Variants in ZNF827 observed in about 807,000 individuals in gnomAD.
ZNF827 encodes zinc finger protein 827.
Under a neutral mutation model 102.4 loss-of-function variants are expected in ZNF827, and 13 were observed. The ratio of observed to expected loss-of-function variants is 0.13; its 90% CI spans 0.08 to 0.20. The LOEUF is 0.20. ZNF827 is among the 10% of genes least tolerant of loss of function. The pLI is 1.00. For missense variants in ZNF827, 1,103 were observed against 1,344.4 expected (o/e 0.82, Z 2.81); for synonymous variants, 523 against 536.2 (o/e 0.98, Z 0.34).
chr4:145,787,538 T>C (rs1739063633), intron 8 of ZNF827, among the ~76,000 whole-genome samples: 2 of 152,096 alleles, frequency 1.3e-5, no homozygotes, highest in Non-Finnish European at 2.9e-5. Context: ...GGAGATTCTT[T>C]TTAGATGTAA....
rs534505170 is a variant in ZNF827 at position 145,762,749 on chromosome 4, T to C, written c.*17+341A>G. On this transcript the variant is annotated intron_variant, in intron 14 of 14. Transcript: ENST00000508784. This position sits in a 1 kb window ranked among gnomAD's most constrained non-coding sequence, Gnocchi z 4.9. ...GTGAGGCCATGTTAACAAACTCTGC[T>C]GAGCCTCTCTTTTAGAAGCTGCCAG... is the stretch of plus-strand genomic sequence containing the variant. 6.6e-6 allele frequency among the ~76,000 whole-genome samples: 1 copy of C among 152,366 alleles called. No homozygotes were observed. The highest frequency in any genetic ancestry group is 2.1e-4 in the South Asian group (1 of 4,828).
chr4:145,872,935 TTTTTC>T (rs1180323598), intron 4 of ZNF827, among the ~76,000 whole-genome samples: 1 of 148,710 alleles, frequency 6.7e-6, no homozygotes, highest in Non-Finnish European at 1.5e-5. Context: ...CAACAATTTT[TTTTTC>T]TTTTCTTTTT....
chr4:145,763,057 C>T lies in ZNF827; in HGVS notation c.*17+33G>A. The T allele has an allele frequency of 6.5e-7, 1 of 1,531,280 alleles. No individual in the cohort carries two copies. The highest frequency in any genetic ancestry group is 8.7e-7 in the Non-Finnish European group (1 of 1,143,260). The allele number at this position is 1,531,280 out of a possible 1,614,324, so 94.9% of individuals were successfully genotyped here. A position where few individuals can be genotyped will look rare whatever the true frequency, so the allele number is the denominator to read the frequency against. ...ATAAAGCCCATTCCCAGGTCAGGTG[C>T]ACACACAACCCCTACGCCAAGCTGG... On this transcript the variant is annotated intron_variant, in intron 14 of 14. Coordinates refer to ENST00000508784, the MANE Select transcript of ZNF827 (RefSeq NM_001306215.2). This position sits in a 1 kb window ranked among gnomAD's most constrained non-coding sequence, Gnocchi z 4.6.
At chr4:145,824,093 C>T (rs1743429762) in intron 7 of ZNF827, among the ~76,000 whole-genome samples, 1 of 152,110 alleles carries the variant, frequency 6.6e-6, no homozygotes. Flanking sequence ...ACGGGGCTGC[C>T]AGAAGGGACC....
rs1169951645 is a variant in ZNF827 at position 145,775,868 on chromosome 4, C to T, written c.2614G>A (p.Val872Met). 1 of 1,614,192 alleles carries T rather than the reference C, an allele frequency of 6.2e-7. No homozygotes were observed. Among genetic ancestry groups the T allele is most frequent in the African/African-American group, 1.3e-5 (1 of 75,020 alleles). The part of the protein sequence containing the change: ...QHLTVHSVKL[V>M]STDTEDIVSA... ...ACAATGTCCTCGGTGTCTGTACTCA[C>T]CAGCTTCACGGAATGGACGGTCAAG... is the stretch of plus-strand genomic sequence containing the variant. The change falls in exon 10 of 15, where the codon GTG becomes ATG. Residue 872 changes from valine (V) to methionine (M), a missense_variant. Val to Met is a conservative substitution (Grantham distance 21, BLOSUM62 1). Transcript: ENST00000508784.
intron 4 of ZNF827, among the ~76,000 whole-genome samples, chr4:145,873,040 A>G (rs553216770): frequency 1.3e-5 from 2 of 149,832 alleles, no homozygotes; most frequent in Admixed American, 6.7e-5. Flanking sequence ...GGTTCAAGCA[A>G]TTCTCCTGCC....
At chr4:145,914,998 G>A (rs1752569857) in intron 1 of ZNF827, among the ~76,000 whole-genome samples, 1 of 152,214 alleles carries the variant, frequency 6.6e-6, no homozygotes, top group Non-Finnish European at 1.5e-5. Flanking sequence ...ACTTAAGACT[G>A]GGTAATTTAT....
intron 1 of ZNF827, among the ~76,000 whole-genome samples, chr4:145,904,272 C>T (rs1359356568): frequency 1.3e-5 from 2 of 152,234 alleles, no homozygotes; most frequent in African/African-American, 2.4e-5. Flanking sequence ...GGAACTCTCA[C>T]TCAGAATGAA....
chr4:145,868,859 T>G (rs547330800), intron 5 of ZNF827, among the ~76,000 whole-genome samples: 101 of 152,276 alleles, frequency 6.6e-4, no homozygotes, highest in Non-Finnish European at 1.5e-5. Context: ...AATGTGAAAG[T>G]GTATGCTATG....
intron 1 of ZNF827, 127 bp downstream of exon 1, chr4:145,938,238 G>T: frequency 1.7e-6 from 2 of 1,152,598 alleles, no homozygotes; most frequent in Non-Finnish European, 2.6e-6. Context: ...CCCGGGCTGT[G>T]TCTTTGTCAG....
intron 8 of ZNF827, among the ~76,000 whole-genome samples, chr4:145,795,790 T>A (rs888104482): frequency 7.2e-5 from 11 of 152,338 alleles, no homozygotes; most frequent in African/African-American, 2.4e-4. Flanking sequence ...GTTGTACTAT[T>A]TCTGAAAATC....
rs750532308 is a variant in ZNF827, at chr4:145,774,676, C to T, written c.2694-4G>A. ...CTCAAATCCACACACGTGACAACTA[C>T]ATGAAAGGGTAAAAGAAAAGAGGGG... On this transcript the variant is annotated splice_polypyrimidine_tract_variant and splice_region_variant and intron_variant, in intron 10 of 14. Transcript: ENST00000508784. 4 of 1,612,516 alleles carry T rather than the reference C, an allele frequency of 2.5e-6. No homozygotes were observed. Among genetic ancestry groups the T allele is most frequent in the East Asian group, 4.5e-5 (2 of 44,858 alleles).
chr4:145,890,258 G>A (rs1460598230), intron 3 of ZNF827, among the ~76,000 whole-genome samples: 4 of 152,194 alleles, frequency 2.6e-5, no homozygotes, highest in Non-Finnish European at 5.9e-5. Flanking sequence ...CGTATCAAAA[G>A]CTCAAGTCAT....
intron 1 of ZNF827, among the ~76,000 whole-genome samples, chr4:145,917,580 G>C (rs1487383411): frequency 6.6e-6 from 1 of 151,322 alleles, no homozygotes; most frequent in African/African-American, 2.4e-5. Context: ...TCAAACCCAT[G>C]AACTTTGGGG....
intron 1 of ZNF827, among the ~76,000 whole-genome samples, chr4:145,934,274 A>G (rs1270538633): frequency 6.6e-6 from 1 of 152,206 alleles, no homozygotes; most frequent in Non-Finnish European, 1.5e-5. Context: ...TATAGACAGT[A>G]AGATCGCCAT....
chr4:145,801,300 A>G (rs533703035), intron 8 of ZNF827, among the ~76,000 whole-genome samples: 145 of 152,338 alleles, frequency 9.5e-4, no homozygotes, highest in African/African-American at 3.4e-3. Flanking sequence ...CTAGCACTGT[A>G]CTTGCAGATA....
intron 7 of ZNF827, among the ~76,000 whole-genome samples, chr4:145,834,518 C>G (rs1026949960): frequency 6.6e-6 from 1 of 152,120 alleles, no homozygotes; most frequent in Non-Finnish European, 1.5e-5. Context: ...ACACCTGGTC[C>G]GGCTTACAGT....
intron 5 of ZNF827, among the ~76,000 whole-genome samples, chr4:145,858,651 A>C (rs918069374): frequency 6.6e-6 from 1 of 151,800 alleles, no homozygotes. Flanking sequence ...CAAAAAAAAA[A>C]AAAAAAGGAA....
chr4:145,829,370 G>A (rs1010427821), intron 7 of ZNF827, among the ~76,000 whole-genome samples: 2 of 152,010 alleles, frequency 1.3e-5, no homozygotes, highest in Admixed American at 6.6e-5. Flanking sequence ...TCTGCACAGA[G>A]ACAAATTACC....
Sources: gnomAD v4.1 joint callset for allele counts (sites outside exome capture counted in the v4.1 genomes callset) on GRCh38, gnomAD v4.1.1 for gene constraint, Gnocchi (gnomAD v3.1) non-coding constraint, MANE v1.5 for transcripts, NCBI Gene and HGNC (gene_info 2026-07-23, HGNC 2026-07-21) for gene names.